The following VPS13A variants were observed in gnomAD, a reference collection of about 807,000 sequenced individuals.
The protein encoded by VPS13A is vacuolar protein sorting 13 homolog A.
A neutral mutation model predicts 390.9 loss-of-function variants in VPS13A; 264 were observed. The ratio of observed to expected loss-of-function variants is 0.68; its 90% CI spans 0.61 to 0.75. The LOEUF (loss-of-function observed/expected upper bound fraction) is 0.75, where lower values mean the gene tolerates loss of function less well. Ranked by LOEUF, VPS13A falls within the 30% of genes least tolerant of loss-of-function variation. The pLI is 0.00. For synonymous variants in VPS13A, 1,231 were observed against 1,227.1 expected, an observed-to-expected ratio of 1.00 and a Z score of -0.07; for missense variants, 3,409 against 3,733.9, an observed-to-expected ratio of 0.91 and a Z score of 2.27.
intron 13 of VPS13A, 104 bp downstream of exon 13, chr9:77,221,460 T>A: frequency 8.0e-7 from 1 of 1,245,216 alleles, no homozygotes; most frequent in African/African-American, 1.5e-5. Flanking sequence ...TTTATTGACC[T>A]TTTCATCTCT....
intron 67 of VPS13A, among the ~76,000 whole-genome samples, chr9:77,372,492 A>G (rs1832829854): frequency 6.6e-6 from 1 of 152,196 alleles, no homozygotes; most frequent in Admixed American, 6.5e-5. Context: ...TTTCAAAATA[A>G]TAAGAGCTAT....
chr9:77,380,352 G>A (rs879456723), intron 67 of VPS13A, among the ~76,000 whole-genome samples: 11 of 151,404 alleles, frequency 7.3e-5, no homozygotes, highest in East Asian at 1.9e-4. Flanking sequence ...TCGCTGTGTC[G>A]CCCAGGCTGG....
At chr9:77,415,853 C>G (rs1289013638) in intron 71 of VPS13A, 103 bp from the exon 72 acceptor site, 1 of 1,379,798 alleles carries the variant, frequency 7.2e-7, no homozygotes, top group Non-Finnish European at 1.0e-6. Flanking sequence ...AGTATTACAC[C>G]TAACTAAACT....
rs748687083 is a variant in VPS13A, at chr9:77,332,019, C to T, written c.6001C>T (p.His2001Tyr). Reference sequence around the variant, plus strand: ...TGTTTTTCTTTCCCAGATAAGAAATCATTTTTCAGTCCCACTGTCTGTTTA... The same window carrying T: ...TGTTTTTCTTTCCCAGATAAGAAATTATTTTTCAGTCCCACTGTCTGTTTA... ...TIRSPVQIRNHFSVPLSVYEG... is the reference protein window; with the variant it reads ...TIRSPVQIRNYFSVPLSVYEG... The change falls in exon 46 of 72, where the codon CAT becomes TAT. Residue 2001 changes from histidine to tyrosine, a missense_variant. By Grantham distance (83) the His-to-Tyr change is moderately conservative (BLOSUM62 2). Around this residue, in one of 5 missense-constraint regions of VPS13A, gnomAD observed 2,717 missense variants for 2,917.4 expected, o/e 0.93. Transcript: ENST00000360280. 3.1e-6 allele frequency: 5 copies of T among 1,608,756 alleles called. No homozygotes were observed. In the Admixed American group the frequency reaches 8.3e-5, roughly 27 times the overall value.
In VPS13A at chr9:77,293,252, T is replaced by G. The variant is rs1214712832; in HGVS notation, c.3340-89T>G. On this transcript the variant is annotated intron_variant, in intron 31 of 71. Coordinates refer to ENST00000360280, the MANE Select transcript of VPS13A (RefSeq NM_033305.3). ...GAATACTTGGGAGATTTTCTAACTA[T>G]GTTTTGTTATTTTTTACTGTTTTAT... The G allele has an allele frequency of 2.5e-6, 3 of 1,197,988 alleles. No homozygotes were observed. The Admixed American group carries it at 5.7e-5, about 23-fold the overall frequency. 74.2% of individuals were successfully genotyped at this position (1,197,988 alleles called of 1,614,324 possible).
chr9:77,339,488 T>TG, intron 47 of VPS13A, 28 bp from the exon 48 acceptor site: 8 of 1,408,794 alleles, frequency 5.7e-6, no homozygotes, highest in Non-Finnish European at 7.7e-6. Context: ...TTTTAAATTT[T>TG]GTTTTGTTTT....
intron 34 of VPS13A, among the ~76,000 whole-genome samples, chr9:77,306,405 T>A (rs1323541042): frequency 1.1e-4 from 14 of 123,372 alleles, no homozygotes; most frequent in African/African-American, 3.7e-4. Context: ...AGAGAGAGTG[T>A]GTGTGTGTTT....
At chr9:77,403,900 G>GA (rs1329972360) in intron 69 of VPS13A, among the ~76,000 whole-genome samples, 3 of 152,252 alleles carry the variant, frequency 2.0e-5, no homozygotes, top group African/African-American at 7.2e-5. Context: ...GGTGGAGAGT[G>GA]AAAATACGGC....
intron 71 of VPS13A, among the ~76,000 whole-genome samples, chr9:77,413,254 T>C (rs1454339899): frequency 6.6e-6 from 1 of 152,154 alleles, no homozygotes; most frequent in Non-Finnish European, 1.5e-5. Flanking sequence ...AAAGTTCATA[T>C]GGAACCAAAA....
In VPS13A at chr9:77,205,982, A is replaced by G; in HGVS notation, c.288A>G (p.Ile96Met). The G allele has an allele frequency of 6.4e-7, 1 of 1,557,038 alleles. No homozygotes were observed. The highest frequency in any genetic ancestry group is 1.4e-5 in the African/African-American group (1 of 73,692). The change falls in exon 5 of 72, where the codon ATA becomes ATG. Residue 96 changes from isoleucine (I) to methionine (M), a missense_variant. Ile to Met is a conservative substitution (Grantham distance 10, BLOSUM62 1). Coordinates refer to ENST00000360280, the MANE Select transcript of VPS13A (RefSeq NM_033305.3). ...IYLLIVPSSRIKYDPLKEEKQ... is the reference protein window; with the variant it reads ...IYLLIVPSSRMKYDPLKEEKQ... ...TCCTTTTTAATCTTCCTATAGGAAT[A>G]AAATATGATCCTTTAAAAGAAGAGA...
intron 24 of VPS13A, among the ~76,000 whole-genome samples, chr9:77,273,712 C>A (rs891064197): frequency 6.6e-6 from 1 of 151,998 alleles, no homozygotes; most frequent in Non-Finnish European, 1.5e-5. Context: ...GGGAAGGCGA[C>A]CAGAAAAAGT....
In VPS13A at chr9:77,220,450, T is replaced by C. The variant is rs189189390; in HGVS notation, c.989+67T>C. 3,192 of 1,105,832 alleles carry C rather than the reference T, an allele frequency of 2.9e-3. 9 individuals carry two copies. The highest frequency in any genetic ancestry group is 3.6e-3 in the Non-Finnish European group (2,729 of 757,650). 68.5% of individuals were successfully genotyped at this position (1,105,832 alleles called of 1,614,324 possible). On this transcript the variant is annotated intron_variant, in intron 12 of 71. Coordinates refer to ENST00000360280, the MANE Select transcript of VPS13A (RefSeq NM_033305.3). ...ACAACATAAAAATAAATTTCTCGAC[T>C]TCAAGAATAATCTTTAAGATATACC...
Position 77,354,083 on chromosome 9 carries a change from G to A in VPS13A, c.7652+442G>A, listed in dbSNP as rs192757132. Among the ~76,000 whole-genome samples, 3 of 151,910 alleles carry A rather than the reference G, an allele frequency of 2.0e-5. 1 individual carries two copies. Among genetic ancestry groups the A allele is most frequent in the Admixed American group, 1.3e-4 (2 of 15,264 alleles). On this transcript the variant is annotated intron_variant, in intron 54 of 71. Transcript: ENST00000360280. ...GTGATCACTGTATTTATCATTTCTC[G>A]TATAAGACATCACCATTAAATCTTT... is the stretch of plus-strand genomic sequence containing the variant.
chr9:77,206,466 A>G (rs1268927221), intron 5 of VPS13A, among the ~76,000 whole-genome samples: 2 of 151,712 alleles, frequency 1.3e-5, no homozygotes, highest in Non-Finnish European at 2.9e-5. Flanking sequence ...TCAATTCTTC[A>G]CCCTTTTGGA....
chr9:77,331,983 T>C (rs1405600218), intron 45 of VPS13A, 27 bp from the exon 46 acceptor site: 7 of 1,476,726 alleles, frequency 4.7e-6, no homozygotes, highest in Middle Eastern at 3.7e-4. Context: ...TTAATGATAC[T>C]AAATATTATT....
At position 77,420,693 on chromosome 9, in the gene VPS13A, G is replaced by A. The variant is rs1026659053; in HGVS notation, c.*4687G>A. 1 of 152,150 alleles carries A rather than the reference G, an allele frequency of 6.6e-6. No individual in the cohort carries two copies. Among genetic ancestry groups the A allele is most frequent in the Non-Finnish European group, 1.5e-5 (1 of 68,012 alleles). 9.4% of individuals were successfully genotyped at this position (152,150 alleles called of 1,614,324 possible). On this transcript the variant is annotated 3_prime_UTR_variant, in exon 72 of 72. Coordinates refer to ENST00000360280, the MANE Select transcript of VPS13A (RefSeq NM_033305.3). ...TGAACTATTCATTTAGTGTTACTCT[G>A]ATATGTTAATAATGTATTCCTTCTA...
intron 1 of VPS13A, among the ~76,000 whole-genome samples, chr9:77,185,045 A>G (rs1824248607): frequency 6.6e-6 from 1 of 152,144 alleles, no homozygotes; most frequent in Admixed American, 6.5e-5. Flanking sequence ...ATAGCTGGTC[A>G]ATCAGAAGCA....
Position 77,295,858 on chromosome 9 carries a change from A to C in VPS13A, c.3812+12A>C. 6.2e-7 allele frequency: 1 copy of C among 1,612,614 alleles called. No individual in the cohort carries two copies. Among genetic ancestry groups the C allele is most frequent in the Non-Finnish European group, 8.5e-7 (1 of 1,179,680 alleles). ...ATGCGACTATACAGGTAAGCTTTTC[A>C]CAAGTATATTTGTGTGGAATGCAAT... On this transcript the variant is annotated intron_variant, in intron 33 of 71. Transcript: ENST00000360280.
At chr9:77,329,099 C>T (rs1830157873) in intron 45 of VPS13A, among the ~76,000 whole-genome samples, 1 of 152,148 alleles carries the variant, frequency 6.6e-6, no homozygotes, top group Non-Finnish European at 1.5e-5. Context: ...ATCCAGTTAC[C>T]TCCACCTGGT....
Sources: gnomAD v4.1 joint callset for allele counts (sites outside exome capture counted in the v4.1 genomes callset) on GRCh38, gnomAD v4.1.1 for gene constraint, gnomAD v4.1.1 regional missense constraint, MANE v1.5 for transcripts, NCBI Gene and HGNC (gene_info 2026-07-23, HGNC 2026-07-21) for gene names.